GDAP1: variants seen among roughly 807,000 people sequenced by gnomAD.
GDAP1 encodes ganglioside induced differentiation associated protein 1, also known as ganglioside-induced differentiation-associated protein 1.
A neutral mutation model predicts 40.1 loss-of-function variants in GDAP1; 34 were observed. The ratio of observed to expected loss-of-function variants is 0.85; its 90% CI spans 0.64 to 1.13. The LOEUF is 1.13. GDAP1 is among the 50% of genes most tolerant of loss of function. GDAP1 has a pLI of 0.00. For missense variants in GDAP1, 374 were observed against 433.7 expected (o/e 0.86, Z 1.22); for synonymous variants, 170 against 157.4 (o/e 1.08, Z -0.60).
At chr8:74,374,344 C>T (rs1178470256) in intron 2 of GDAP1, among the ~76,000 whole-genome samples, 1 of 152,110 alleles carries the variant, frequency 6.6e-6, no homozygotes, top group East Asian at 1.9e-4. Flanking sequence ...ACCAGCTCTT[C>T]CTTGTACCTC....
chr8:74,477,993 T>G (rs1238361768), intron 2 of GDAP1, among the ~76,000 whole-genome samples: 1 of 152,132 alleles, frequency 6.6e-6, no homozygotes, highest in Non-Finnish European at 1.5e-5. Context: ...GGACAGTGTG[T>G]ATCCTATGCG....
At chr8:74,484,698 A>G (rs1055202350) in intron 2 of GDAP1, among the ~76,000 whole-genome samples, 1 of 152,102 alleles carries the variant, frequency 6.6e-6, no homozygotes, top group African/African-American at 2.4e-5. Flanking sequence ...TGCTAAAAAG[A>G]CAACACACAG....
chr8:74,471,993 T>C (rs1281555153), intron 2 of GDAP1, among the ~76,000 whole-genome samples: 1 of 152,148 alleles, frequency 6.6e-6, no homozygotes, highest in Non-Finnish European at 1.5e-5. Flanking sequence ...GTTTGTTATA[T>C]AGGTAAACTC....
chr8:74,382,352 T>C (rs949604646), intron 2 of GDAP1, among the ~76,000 whole-genome samples: 2 of 148,216 alleles, frequency 1.3e-5, no homozygotes, highest in Non-Finnish European at 1.5e-5. Context: ...TGGGAAATTA[T>C]AGGAAGTTTC....
intron 2 of GDAP1, among the ~76,000 whole-genome samples, chr8:74,373,813 G>C (rs2131532670): frequency 6.6e-6 from 1 of 152,288 alleles, no homozygotes; most frequent in Admixed American, 6.5e-5. Flanking sequence ...AGTGGTGAGA[G>C]AGGGCATCCC....
intron 2 of GDAP1, among the ~76,000 whole-genome samples, chr8:74,356,659 A>AGTGTGTGTGTGT (rs144717682): frequency 7.5e-4 from 92 of 122,994 alleles, no homozygotes; most frequent in East Asian, 2.7e-3. Flanking sequence ...AATATTATTT[A>AGTGTGTGTGTGT]GTGTGTGTGT....
intron 2 of GDAP1, among the ~76,000 whole-genome samples, chr8:74,457,721 A>C: frequency 6.6e-6 from 1 of 152,060 alleles, no homozygotes; most frequent in East Asian, 1.9e-4. Context: ...CCTTTTTCCA[A>C]AGAAGACTTA....
intron 2 of GDAP1, among the ~76,000 whole-genome samples, chr8:74,415,037 C>T (rs947503805): frequency 1.3e-5 from 2 of 150,138 alleles, no homozygotes; most frequent in Non-Finnish European, 2.9e-5. Flanking sequence ...TTCTAGATTG[C>T]TCAATGAAAA....
intron 2 of GDAP1, among the ~76,000 whole-genome samples, chr8:74,446,234 T>G (rs1806224973): frequency 6.6e-6 from 1 of 152,180 alleles, no homozygotes; most frequent in Non-Finnish European, 1.5e-5. Context: ...TACTTCATCA[T>G]GTAAATAGCA....
At chr8:74,435,363 T>C (rs904233710) in intron 2 of GDAP1, among the ~76,000 whole-genome samples, 1 of 152,182 alleles carries the variant, frequency 6.6e-6, no homozygotes. Context: ...AAACATCCTA[T>C]TGGAAAACAC....
intron 2 of GDAP1, among the ~76,000 whole-genome samples, chr8:74,373,797 A>G (rs2131532665): frequency 6.6e-6 from 1 of 152,260 alleles, no homozygotes; most frequent in South Asian, 2.1e-4. Context: ...CACTATGTCG[A>G]ATAGGAGTGG....
intron 2 of GDAP1, among the ~76,000 whole-genome samples, chr8:74,358,100 C>G (rs1359589686): frequency 6.6e-6 from 1 of 152,188 alleles, no homozygotes; most frequent in Non-Finnish European, 1.5e-5. Flanking sequence ...GTATCTCATG[C>G]TCTGACAGAG....
chr8:74,371,465 T>G (rs1002485677), downstream of GDAP1, among the ~76,000 whole-genome samples: 2 of 151,640 alleles, frequency 1.3e-5, no homozygotes, highest in African/African-American at 4.8e-5. Flanking sequence ...TCGAGACCAT[T>G]CTGGCTAACA....
chr8:74,396,774 G>C (rs944414555), intron 2 of GDAP1, among the ~76,000 whole-genome samples: 5 of 152,098 alleles, frequency 3.3e-5, no homozygotes, highest in African/African-American at 9.7e-5. Context: ...ATTTGGGTTG[G>C]TTCCAAGTCT....
chr8:74,443,550 G>T (rs1021663819), intron 2 of GDAP1, among the ~76,000 whole-genome samples: 6 of 152,166 alleles, frequency 3.9e-5, no homozygotes, highest in Admixed American at 3.9e-4. Context: ...ACTACTTCCT[G>T]CAGTCCCTCA....
intron 2 of GDAP1, among the ~76,000 whole-genome samples, chr8:74,479,133 A>T (rs766499525): frequency 6.6e-6 from 1 of 152,136 alleles, no homozygotes; most frequent in African/African-American, 2.4e-5. Flanking sequence ...TTTCTAAGCA[A>T]TGTTTTAGCT....
chr8:74,366,494 G>A lies in GDAP1; in HGVS notation c.*2127G>A. On this transcript the variant is annotated 3_prime_UTR_variant, in exon 6 of 6. Transcript: ENST00000220822. ...GGATTACAGTATCACACAATGTCAAGCTAGAGTTAAACACAGTATTAGCTA... is the reference window on the plus strand; with the variant it reads ...GGATTACAGTATCACACAATGTCAAACTAGAGTTAAACACAGTATTAGCTA... 2.2e-6 allele frequency: 1 copy of A among 454,440 alleles called. No individual in the cohort carries two copies. Among genetic ancestry groups the A allele is most frequent in the Non-Finnish European group, 4.4e-6 (1 of 226,746 alleles). The allele number at this position is 454,440 out of a possible 1,614,324, so 28.2% of individuals were successfully genotyped here.
chr8:74,447,905 C>T (rs910352789), intron 2 of GDAP1, among the ~76,000 whole-genome samples: 4 of 152,134 alleles, frequency 2.6e-5, no homozygotes, highest in Admixed American at 6.6e-5. Context: ...TGGGTCCCAT[C>T]CCCAAGGTAT....
At chr8:74,478,483 C>T (rs1806664286) in intron 2 of GDAP1, among the ~76,000 whole-genome samples, 1 of 151,974 alleles carries the variant, frequency 6.6e-6, no homozygotes, top group African/African-American at 2.4e-5. Context: ...ATGTGGGCCC[C>T]CAGGAGCTAC....
Sources: allele counts gnomAD v4.1 joint callset (sites outside exome capture counted in the v4.1 genomes callset), GRCh38; gene constraint gnomAD v4.1.1; transcripts MANE v1.5; gene names NCBI Gene and HGNC (gene_info 2026-07-23, HGNC 2026-07-21).